ANKRD6: variants seen among roughly 807,000 people sequenced by gnomAD.
ANKRD6 encodes ankyrin repeat domain 6.
A neutral mutation model predicts 82.3 loss-of-function variants in ANKRD6; 56 were observed. That is an observed-to-expected ratio of 0.68 (90% confidence interval 0.55 to 0.85). The LOEUF (loss-of-function observed/expected upper bound fraction) is 0.85. ANKRD6 is among the 40% of genes least tolerant of loss of function. The pLI is 0.00. For synonymous variants in ANKRD6, 347 were observed against 352.1 expected, an observed-to-expected ratio of 0.99 and a Z score of 0.16; for missense variants, 852 against 907.6, an observed-to-expected ratio of 0.94 and a Z score of 0.79.
In ANKRD6 at chr6:89,618,041, A is replaced by G; in HGVS notation, c.792+10A>G. 6.2e-7 allele frequency: 1 copy of G among 1,613,946 alleles called. No individual in the cohort carries two copies. Among genetic ancestry groups the G allele is most frequent in the Non-Finnish European group, 8.5e-7 (1 of 1,179,790 alleles). On this transcript the variant is annotated intron_variant, in intron 9 of 15. Coordinates refer to ENST00000339746, the MANE Select transcript of ANKRD6 (RefSeq NM_001242809.2). ...TACTAAAGCTCCCCAGGTAGGATTT[A>G]CTGCCCTTTCCATGGTACTGATTAT...
rs540843510 is a variant in ANKRD6, at chr6:89,549,507, A to T, written c.-143-17327A>T. The stretch of plus-strand genomic sequence containing the variant: ...ATGTCCCAGCCTCCAGAACTGTGAG[A>T]AATAGATCTCTGTTCATTATGAGTT... On this transcript the variant is annotated intron_variant, in intron 1 of 15. Coordinates refer to ENST00000339746, the MANE Select transcript of ANKRD6 (RefSeq NM_001242809.2). Among the ~76,000 whole-genome samples the T allele has an allele frequency of 2.0e-5, 3 of 152,222 alleles. No individual in the cohort carries two copies. The South Asian group carries it at 6.2e-4, about 32-fold the overall frequency.
intron 1 of ANKRD6, among the ~76,000 whole-genome samples, chr6:89,447,863 T>TTTTTTTTTTTTTTTTC (rs1385297911): frequency 6.7e-6 from 1 of 149,296 alleles, no homozygotes; most frequent in Non-Finnish European, 1.5e-5. Flanking sequence ...AATTTTTTTT[T>TTTTTTTTTTTTTTTTC]TTCAGTAGAG....
chr6:89,484,442 A>G (rs1211464246), intron 1 of ANKRD6, among the ~76,000 whole-genome samples: 1 of 152,202 alleles, frequency 6.6e-6, no homozygotes, highest in East Asian at 1.9e-4. Flanking sequence ...GAGTAAGAGG[A>G]AAATCTTGAT....
chr6:89,445,723 C>T (rs370377227), intron 1 of ANKRD6, among the ~76,000 whole-genome samples: 90 of 152,018 alleles, frequency 5.9e-4, no homozygotes, highest in African/African-American at 2.1e-3. Context: ...GGTTTACAGG[C>T]GTAAGCCACT....
At chr6:89,497,668 C>G (rs549194487) in intron 1 of ANKRD6, among the ~76,000 whole-genome samples, 12 of 152,180 alleles carry the variant, frequency 7.9e-5, no homozygotes, top group East Asian at 7.7e-4. Flanking sequence ...CTCTCTCTCT[C>G]TGTGTATCTG....
chr6:89,437,029 C>CTA (rs1472652486), intron 1 of ANKRD6, among the ~76,000 whole-genome samples: 1 of 152,086 alleles, frequency 6.6e-6, no homozygotes, highest in Non-Finnish European at 1.5e-5. Context: ...CAGTGGTGGG[C>CTA]TACAAATACT....
intron 1 of ANKRD6, among the ~76,000 whole-genome samples, chr6:89,435,672 T>C (rs954763593): frequency 1.3e-5 from 2 of 152,192 alleles, no homozygotes; most frequent in African/African-American, 4.8e-5. Flanking sequence ...GGAGACCCAG[T>C]CTCTTCCAAC....
At chr6:89,516,297 T>A (rs780449847) in intron 1 of ANKRD6, among the ~76,000 whole-genome samples, 3 of 152,212 alleles carry the variant, frequency 2.0e-5, no homozygotes, top group Non-Finnish European at 2.9e-5. Context: ...GACTTCTCCC[T>A]GCCTGAGTCC....
In ANKRD6 at chr6:89,607,094, TG is replaced by T. The variant is rs1798835243; in HGVS notation, c.417+991del. Among the ~76,000 whole-genome samples, 2 of 151,014 alleles carry T rather than the reference TG, an allele frequency of 1.3e-5. 1 individual carries two copies. The highest frequency in any genetic ancestry group is 4.2e-4 in the South Asian group (2 of 4,798). ...CTGAGACACAAGAATCGCTTGAACC[TG>T]GTAGGCGGAAGTTGCAGTGAGCTTA... On this transcript the variant is annotated intron_variant, in intron 5 of 15. Coordinates refer to ENST00000339746, the MANE Select transcript of ANKRD6 (RefSeq NM_001242809.2).
intron 5 of ANKRD6, among the ~76,000 whole-genome samples, chr6:89,608,370 A>C (rs1426538375): frequency 4.0e-5 from 4 of 99,556 alleles, no homozygotes; most frequent in Admixed American, 2.6e-4. Context: ...CACACACACT[A>C]TATATATATA....
At chr6:89,541,694 T>G (rs1784468914) in intron 1 of ANKRD6, among the ~76,000 whole-genome samples, 1 of 151,970 alleles carries the variant, frequency 6.6e-6, no homozygotes, top group East Asian at 1.9e-4. Flanking sequence ...TTTAGATTTC[T>G]TTTTTACATT....
intron 5 of ANKRD6, among the ~76,000 whole-genome samples, chr6:89,607,890 C>T (rs1393215547): frequency 1.9e-5 from 2 of 106,858 alleles, no homozygotes; most frequent in African/African-American, 4.3e-5. Context: ...CCGTGATCTG[C>T]CCGCCTCAGC....
intron 1 of ANKRD6, among the ~76,000 whole-genome samples, chr6:89,547,477 C>T (rs552278220): frequency 5.9e-5 from 9 of 152,232 alleles, no homozygotes; most frequent in Non-Finnish European, 1.0e-4. Context: ...CCCAGGCCTC[C>T]GGGGGTGTCA....
chr6:89,474,634 GT>G (rs1775843068), intron 1 of ANKRD6, among the ~76,000 whole-genome samples: 1 of 152,164 alleles, frequency 6.6e-6, no homozygotes, highest in African/African-American at 2.4e-5. Flanking sequence ...AGCCAGGATG[GT>G]TTCGATCTCC....
chr6:89,509,133 T>G (rs1780224923), intron 1 of ANKRD6: 2 of 152,288 alleles, frequency 1.3e-5, no homozygotes, highest in Non-Finnish European at 2.9e-5. Context: ...TCCTTTGAAG[T>G]GCACCAGTGA....
At chr6:89,557,602 G>A (rs1786792814) in intron 1 of ANKRD6, among the ~76,000 whole-genome samples, 1 of 152,148 alleles carries the variant, frequency 6.6e-6, no homozygotes, top group Non-Finnish European at 1.5e-5. Context: ...ACATGGTACA[G>A]ACATGTTAGA....
At chr6:89,532,967 A>G (rs1583129894) in intron 1 of ANKRD6, among the ~76,000 whole-genome samples, 1 of 150,046 alleles carries the variant, frequency 6.7e-6, no homozygotes, top group Non-Finnish European at 1.5e-5. Context: ...TCCGCCTCCC[A>G]GGTTCAAGCG....
At chr6:89,569,700 A>G (rs1789353457) in intron 2 of ANKRD6, among the ~76,000 whole-genome samples, 3 of 152,346 alleles carry the variant, frequency 2.0e-5, no homozygotes, top group South Asian at 4.1e-4. Flanking sequence ...ACCATTTTAC[A>G]TTCTACCAGC....
rs1454008046 is a variant in ANKRD6 at position 89,631,067 on chromosome 6, G to A, written c.*63G>A. The A allele has an allele frequency of 8.3e-6, 12 of 1,449,306 alleles. No homozygotes were observed. The African/African-American group carries it at 1.6e-4, about 19-fold the overall frequency. 89.8% of individuals were successfully genotyped at this position (1,449,306 alleles called of 1,614,324 possible). A position where few individuals can be genotyped will look rare whatever the true frequency, so the allele number is the denominator to read the frequency against. ...TTTCCAGTTTTGCAACTGCATAATA[G>A]CTATGCCCAAGGAGTCAACTATTGT... On this transcript the variant is annotated 3_prime_UTR_variant, in exon 16 of 16. Coordinates refer to ENST00000339746, the MANE Select transcript of ANKRD6 (RefSeq NM_001242809.2).
Sources: allele counts gnomAD v4.1 joint callset (sites outside exome capture counted in the v4.1 genomes callset), GRCh38; gene constraint gnomAD v4.1.1; transcripts MANE v1.5; gene names NCBI Gene and HGNC (gene_info 2026-07-23, HGNC 2026-07-21).